The following GRIN3A variants were observed in gnomAD, a reference collection of about 807,000 sequenced individuals.
GRIN3A encodes glutamate ionotropic receptor NMDA type subunit 3A.
Under a neutral mutation model 92.4 loss-of-function variants are expected in GRIN3A, and 47 were observed. The ratio of observed to expected loss-of-function variants is 0.51; its 90% CI spans 0.40 to 0.65. The LOEUF (loss-of-function observed/expected upper bound fraction) is 0.65. Ranked by LOEUF, GRIN3A falls within the 30% of genes least tolerant of loss-of-function variation. GRIN3A has a pLI of 0.00. For missense variants in GRIN3A, 1,324 were observed against 1,393.1 expected, an observed-to-expected ratio of 0.95 and a Z score of 0.79; for synonymous variants, 527 against 540.6, an observed-to-expected ratio of 0.97 and a Z score of 0.35.
intron 1 of GRIN3A, among the ~76,000 whole-genome samples, chr9:101,729,874 T>C (rs1774273989): frequency 1.3e-5 from 2 of 152,132 alleles, no homozygotes; most frequent in South Asian, 4.1e-4. Context: ...ATGTCCCAAC[T>C]CAATTTTTTC....
At chr9:101,657,618 A>G (rs1474481976) in intron 3 of GRIN3A, among the ~76,000 whole-genome samples, 1 of 151,906 alleles carries the variant, frequency 6.6e-6, no homozygotes, top group Non-Finnish European at 1.5e-5. Flanking sequence ...CTACAGCTTC[A>G]TTTGGAGATG....
rs142284927 is a variant in GRIN3A at position 101,670,654 on chromosome 9, C to A, written c.1758G>T (p.Lys586Asn). ...CYGYCIDLLE[K>N]IAEDMNFDFD... Reference sequence around the variant, plus strand: ...AGTCAAAGTTCATGTCTTCTGCTATCTTTTCCAGCAGATCAATGCAATATC... The same window carrying A: ...AGTCAAAGTTCATGTCTTCTGCTATATTTTCCAGCAGATCAATGCAATATC... Residue 586 changes from lysine (K) to asparagine (N), a missense_variant, in exon 3 of 9, where the codon AAG (lysine) becomes AAT (asparagine). By Grantham distance (94) the Lys-to-Asn change is moderately conservative (BLOSUM62 0). Transcript: ENST00000361820. 5 of 1,613,820 alleles carry A rather than the reference C, an allele frequency of 3.1e-6. No individual in the cohort carries two copies. The highest frequency in any genetic ancestry group is 4.5e-5 in the East Asian group (2 of 44,880).
chr9:101,665,524 A>G (rs538039745), intron 3 of GRIN3A, among the ~76,000 whole-genome samples: 1 of 151,934 alleles, frequency 6.6e-6, no homozygotes, highest in Non-Finnish European at 1.5e-5. Flanking sequence ...TGTAAGGGGA[A>G]CCATCCTAAT....
chr9:101,584,912 C>T (rs1564118956), intron 6 of GRIN3A, among the ~76,000 whole-genome samples: 1 of 152,182 alleles, frequency 6.6e-6, no homozygotes, highest in Non-Finnish European at 1.5e-5. Context: ...GTGTTTCACT[C>T]ATCATTTGTT....
intron 1 of GRIN3A, among the ~76,000 whole-genome samples, chr9:101,721,780 G>C (rs969059278): frequency 1.3e-5 from 2 of 152,088 alleles, no homozygotes; most frequent in Admixed American, 6.5e-5. Context: ...GATGATTTAG[G>C]GTATCTGGCC....
At chr9:101,734,677 A>G (rs560046223) in intron 1 of GRIN3A, among the ~76,000 whole-genome samples, 1 of 152,096 alleles carries the variant, frequency 6.6e-6, no homozygotes, top group African/African-American at 2.4e-5. Flanking sequence ...TACCAAAACT[A>G]TTGCTCATTA....
intron 6 of GRIN3A, chr9:101,592,131 G>A (rs1434843322): frequency 6.6e-6 from 1 of 152,206 alleles, no homozygotes; most frequent in African/African-American, 2.4e-5. Flanking sequence ...AAATTCTCCA[G>A]TTCTCAGGTC....
rs60262370 is a variant in GRIN3A, at chr9:101,643,683, T to TCTCTCTCA, written c.2353-15283_2353-15282insTGAGAGAG. ...CTCTCTCTCTCTCTCTCTCTCTCTC[T>TCTCTCTCA]CACACACACACACCCACACGAATAT... is the stretch of plus-strand genomic sequence containing the variant. On this transcript the variant is annotated intron_variant, in intron 3 of 8. Coordinates refer to ENST00000361820, the MANE Select transcript of GRIN3A (RefSeq NM_133445.3). Among the ~76,000 whole-genome samples the TCTCTCTCA allele has an allele frequency of 1.6e-3, 227 of 142,804 alleles. 1 individual carries two copies. The highest frequency in any genetic ancestry group is 2.7e-3 in the Non-Finnish European group (172 of 63,254). The allele number at this position is 142,804 out of a possible 152,430, so 93.7% of individuals were successfully genotyped here. A position where few individuals can be genotyped will look rare whatever the true frequency, so the allele number is the denominator to read the frequency against.
intron 5 of GRIN3A, among the ~76,000 whole-genome samples, chr9:101,620,653 A>C (rs1301875723): frequency 6.6e-6 from 1 of 152,164 alleles, no homozygotes; most frequent in African/African-American, 2.4e-5. Flanking sequence ...AATAGGTAAT[A>C]CATCACTTAT....
At chr9:101,613,051 C>A (rs757286345) in intron 6 of GRIN3A, among the ~76,000 whole-genome samples, 1 of 152,212 alleles carries the variant, frequency 6.6e-6, no homozygotes, top group East Asian at 1.9e-4. Context: ...AAATCAAACA[C>A]TGTTCATGTC....
In GRIN3A at chr9:101,702,870, C is replaced by T. The variant is rs184091856; in HGVS notation, c.700-15670G>A. On this transcript the variant is annotated intron_variant, in intron 1 of 8. Coordinates refer to ENST00000361820, the MANE Select transcript of GRIN3A (RefSeq NM_133445.3). ...TCACACCAACTGCTCAGGCCAAAAA[C>T]GAAGAAATCAGCTTTTAATCTCTCT... Among the ~76,000 whole-genome samples, 15 of 152,290 alleles carry T rather than the reference C, an allele frequency of 9.8e-5. No homozygotes were observed. In the South Asian group the frequency reaches 1.0e-3, roughly 11 times the overall value.
At chr9:101,702,312 A>AT (rs1005183219) in intron 1 of GRIN3A, among the ~76,000 whole-genome samples, 6 of 152,076 alleles carry the variant, frequency 3.9e-5, no homozygotes, top group Non-Finnish European at 8.8e-5. Flanking sequence ...CCAAAAAAAA[A>AT]TTTTTTTATT....
At chr9:101,586,402 T>C (rs1827950839) in intron 6 of GRIN3A, among the ~76,000 whole-genome samples, 1 of 152,200 alleles carries the variant, frequency 6.6e-6, no homozygotes, top group East Asian at 1.9e-4. Context: ...GGATTTTTTG[T>C]ATAAAATAAA....
intron 6 of GRIN3A, among the ~76,000 whole-genome samples, chr9:101,599,632 G>T (rs1828185404): frequency 1.3e-5 from 2 of 152,160 alleles, no homozygotes; most frequent in Admixed American, 1.3e-4. Flanking sequence ...AGCCTTGATG[G>T]CACCTCTATT....
chr9:101,682,939 G>A (rs1328448720), intron 2 of GRIN3A, among the ~76,000 whole-genome samples: 2 of 152,206 alleles, frequency 1.3e-5, no homozygotes, highest in Non-Finnish European at 2.9e-5. Flanking sequence ...CCGAGATTGC[G>A]CCACCGCACT....
At chr9:101,595,883 G>A (rs1449109017) in intron 6 of GRIN3A, among the ~76,000 whole-genome samples, 1 of 152,214 alleles carries the variant, frequency 6.6e-6, no homozygotes, top group East Asian at 1.9e-4. Context: ...TTTTGTGTGT[G>A]TTGAGAGTGA....
At chr9:101,628,446 G>T (rs767765413) in intron 3 of GRIN3A, 45 bp from the exon 4 acceptor site, 4 of 1,577,228 alleles carry the variant, frequency 2.5e-6, no homozygotes, top group Admixed American at 3.4e-5. Context: ...ATTATTCTTA[G>T]AAGTGTTTTT....
At chr9:101,627,766 A>G (rs962870103) in intron 4 of GRIN3A, among the ~76,000 whole-genome samples, 4 of 152,156 alleles carry the variant, frequency 2.6e-5, no homozygotes, top group Admixed American at 2.0e-4. Context: ...CAGGCATGGG[A>G]ATCATTGTCT....
chr9:101,666,829 G>C (rs1044985571), intron 3 of GRIN3A, among the ~76,000 whole-genome samples: 10 of 151,966 alleles, frequency 6.6e-5, no homozygotes, highest in African/African-American at 2.4e-4. Flanking sequence ...TGATTGGAAT[G>C]CAATATTTCT....
Sources: allele counts gnomAD v4.1 joint callset (sites outside exome capture counted in the v4.1 genomes callset), GRCh38; gene constraint gnomAD v4.1.1; transcripts MANE v1.5; gene names NCBI Gene and HGNC (gene_info 2026-07-23, HGNC 2026-07-21).